The following ZNF618 variants were observed in gnomAD, a reference collection of about 807,000 sequenced individuals.
The protein encoded by ZNF618 is neural precursor cell expressed, developmentally down-regulated 10.
In ZNF618, 34 loss-of-function variants were observed where a neutral mutation model predicts 103.0. The observed-to-expected ratio is 0.33, with a 90% CI of 0.25 to 0.44. ZNF618 has a LOEUF of 0.44. Among genes scored for constraint, ZNF618 ranks in the 20% least tolerant of loss-of-function variants. The probability of loss-of-function intolerance (pLI) is 1.00; values close to 1 mark genes in which losing one functional copy is unlikely to be tolerated. For missense variants in ZNF618, 1,059 were observed against 1,295.4 expected, an observed-to-expected ratio of 0.82 and a Z score of 2.80; for synonymous variants, 551 against 542.2, an observed-to-expected ratio of 1.02 and a Z score of -0.23.
At chr9:114,020,590 A>G (rs991509718) in intron 10 of ZNF618, among the ~76,000 whole-genome samples, 60 of 150,764 alleles carry the variant, frequency 4.0e-4, no homozygotes, top group Admixed American at 3.6e-3. Context: ...TTTAAATTTA[A>G]TTTTCCAATT....
At chr9:113,919,925 CCTT>C (rs1332026720) in intron 1 of ZNF618, among the ~76,000 whole-genome samples, 3 of 152,254 alleles carry the variant, frequency 2.0e-5, no homozygotes, top group Non-Finnish European at 2.9e-5. Flanking sequence ...CCCAGGCTCA[CCTT>C]CTTATGCCAT....
At chr9:114,018,185 G>A (rs4979326) in intron 10 of ZNF618, among the ~76,000 whole-genome samples, 43,986 of 152,144 alleles carry the variant, frequency 0.29, 7,843 homozygotes, top group East Asian at 0.6. Context: ...TTCAGTACCC[G>A]CCATAGAGCC....
At chr9:113,908,122 G>T (rs1435285421) in intron 1 of ZNF618, among the ~76,000 whole-genome samples, 1 of 147,452 alleles carries the variant, frequency 6.8e-6, no homozygotes, top group East Asian at 1.9e-4. Context: ...GGCTCGGGCA[G>T]TCAAAAGAAT....
At position 114,001,983 on chromosome 9, in the gene ZNF618, T is replaced by C; in HGVS notation, c.434-13T>C. On this transcript the variant is annotated splice_polypyrimidine_tract_variant and intron_variant, in intron 4 of 14. Transcript: ENST00000374126. ...AGGTTGGGTGACCAGTCCTTTCCTCTTCTGTTTTCCAGGGTCTTACGAATG... is the reference window on the plus strand; with the variant it reads ...AGGTTGGGTGACCAGTCCTTTCCTCCTCTGTTTTCCAGGGTCTTACGAATG... The C allele has an allele frequency of 6.2e-7, 1 of 1,613,248 alleles. No individual in the cohort carries two copies.
At chr9:113,973,453 C>T (rs540366225) in intron 2 of ZNF618, among the ~76,000 whole-genome samples, 37 of 152,264 alleles carry the variant, frequency 2.4e-4, no homozygotes, top group African/African-American at 8.4e-4. Flanking sequence ...TGGGCTGCTA[C>T]GGAATTAGTG....
intron 1 of ZNF618, among the ~76,000 whole-genome samples, chr9:113,928,801 C>T (rs188493497): frequency 1.3e-5 from 2 of 152,254 alleles, no homozygotes; most frequent in African/African-American, 4.8e-5. Flanking sequence ...AGTCTATACT[C>T]TCATGATTCA....
chr9:114,033,528 C>T (rs981716373), intron 12 of ZNF618, among the ~76,000 whole-genome samples: 9 of 152,142 alleles, frequency 5.9e-5, no homozygotes, highest in African/African-American at 2.2e-4. Flanking sequence ...TAAACTGAGG[C>T]TCTAGGTGGT....
intron 1 of ZNF618, among the ~76,000 whole-genome samples, chr9:113,903,036 A>G (rs1392440763): frequency 1.3e-5 from 2 of 152,202 alleles, no homozygotes; most frequent in African/African-American, 4.8e-5. Flanking sequence ...AGAATATTTG[A>G]AAGAAGCAAA....
intron 10 of ZNF618, among the ~76,000 whole-genome samples, chr9:114,021,017 TC>T (rs1200009337): frequency 6.6e-6 from 1 of 152,118 alleles, no homozygotes; most frequent in Non-Finnish European, 1.5e-5. Context: ...CATGTTTTTT[TC>T]CTCCATCTTT....
chr9:113,974,893 A>G (rs1838340936), intron 2 of ZNF618, among the ~76,000 whole-genome samples: 1 of 152,104 alleles, frequency 6.6e-6, no homozygotes, highest in South Asian at 2.1e-4. Flanking sequence ...TGGGCTCCTT[A>G]CCTAGCCTTC....
chr9:113,998,184 C>T, intron 3 of ZNF618, 75 bp from the exon 4 acceptor site: 1 of 1,371,874 alleles, frequency 7.3e-7, no homozygotes, highest in Non-Finnish European at 1.0e-6. Flanking sequence ...AAAGTGCAGC[C>T]AACTTCGCCC....
intron 14 of ZNF618, among the ~76,000 whole-genome samples, chr9:114,048,447 C>A (rs1234144078): frequency 6.6e-6 from 1 of 152,224 alleles, no homozygotes; most frequent in Non-Finnish European, 1.5e-5. Flanking sequence ...TTCCCATGCT[C>A]ATGGCAGGCC....
chr9:113,946,600 A>T (rs1009244213), intron 1 of ZNF618, among the ~76,000 whole-genome samples: 1 of 152,122 alleles, frequency 6.6e-6, no homozygotes, highest in African/African-American at 2.4e-5. Context: ...CCAGCGTGTA[A>T]TTACCAGTGC....
At chr9:113,946,677 T>C (rs2132176186) in intron 1 of ZNF618, among the ~76,000 whole-genome samples, 1 of 152,226 alleles carries the variant, frequency 6.6e-6, no homozygotes, top group South Asian at 2.1e-4. Flanking sequence ...GTGTGCGTCT[T>C]TTGCCTCCTC....
chr9:113,920,470 C>T (rs1276451138), intron 1 of ZNF618, among the ~76,000 whole-genome samples: 3 of 149,578 alleles, frequency 2.0e-5, no homozygotes, highest in African/African-American at 4.9e-5. Context: ...GGTGTGATCT[C>T]GGTTCATTGG....
chr9:113,880,727 C>A (rs74567057), intron 1 of ZNF618, among the ~76,000 whole-genome samples: 7,144 of 152,174 alleles, frequency 0.047, 250 homozygotes, highest in African/African-American at 0.093. Context: ...GGTGAGTATC[C>A]TCTCATGAAA....
At chr9:113,895,459 G>T (rs932058070) in intron 1 of ZNF618, among the ~76,000 whole-genome samples, 15 of 152,156 alleles carry the variant, frequency 9.9e-5, no homozygotes, top group Admixed American at 8.5e-4. Context: ...GGTCCAATTT[G>T]CAGCGTTTTG....
rs992746818 is a variant in ZNF618 at position 113,981,246 on chromosome 9, A to C, written c.78-7075A>C. Among the ~76,000 whole-genome samples the C allele has an allele frequency of 2.6e-5, 4 of 152,152 alleles. No homozygotes were observed. The East Asian group carries it at 7.7e-4, about 29-fold the overall frequency. ...TTTTCTCCACCCTTAACATTGTTAAAGGTGGGTGAGGTGTGAGAGTAAATG... is the reference window on the plus strand; with the variant it reads ...TTTTCTCCACCCTTAACATTGTTAACGGTGGGTGAGGTGTGAGAGTAAATG... On this transcript the variant is annotated intron_variant, in intron 2 of 14. Coordinates refer to ENST00000374126, the MANE Select transcript of ZNF618 (RefSeq NM_001318042.2).
chr9:113,967,445 A>G (rs1244624950), intron 1 of ZNF618, among the ~76,000 whole-genome samples: 2 of 152,020 alleles, frequency 1.3e-5, no homozygotes, highest in Non-Finnish European at 2.9e-5. Context: ...CTCCCTCCCT[A>G]TTCGTCCTTA....
Sources: gnomAD v4.1 joint callset for allele counts (sites outside exome capture counted in the v4.1 genomes callset) on GRCh38, gnomAD v4.1.1 for gene constraint, MANE v1.5 for transcripts, NCBI Gene and HGNC (gene_info 2026-07-23, HGNC 2026-07-21) for gene names.